MTCL1: variants seen among roughly 807,000 people sequenced by gnomAD.
MTCL1 encodes the protein microtubule crosslinking factor 1, also known as microtubule cross-linking factor 1.
In MTCL1, 79 loss-of-function variants were observed where a neutral mutation model predicts 141.4. That is an observed-to-expected ratio of 0.56 (90% CI 0.47 to 0.67). The LOEUF is 0.67. Among genes scored for constraint, MTCL1 ranks in the 30% least tolerant of loss-of-function variants. MTCL1 has a pLI of 0.00. For missense variants in MTCL1, 2,177 were observed against 2,113.9 expected (o/e 1.03, Z -0.59); for synonymous variants, 914 against 875.8 (o/e 1.04, Z -0.77).
intron 16 of MTCL1, chr18:8,829,614 A>G (rs1598840731): frequency 1.0e-6 from 1 of 985,398 alleles, no homozygotes; most frequent in East Asian, 1.1e-4. Flanking sequence ...GAGAAAAGAT[A>G]TACTTTTTGA....
intron 10 of MTCL1, among the ~76,000 whole-genome samples, chr18:8,798,624 C>G (rs986137591): frequency 1.3e-5 from 2 of 152,108 alleles, no homozygotes; most frequent in Admixed American, 1.3e-4. Flanking sequence ...CGTTTGGCAG[C>G]ATAACGTACA....
At chr18:8,725,771 A>ATTTTTT (rs2096204219) in intron 4 of MTCL1, among the ~76,000 whole-genome samples, 2 of 98,716 alleles carry the variant, frequency 2.0e-5, no homozygotes, top group Non-Finnish European at 4.1e-5. Context: ...TTTTGGTGCC[A>ATTTTTT]TTTTCTTTTT....
At chr18:8,824,269 C>A (rs1417512335) in intron 14 of MTCL1, among the ~76,000 whole-genome samples, 1 of 152,242 alleles carries the variant, frequency 6.6e-6, no homozygotes, top group Non-Finnish European at 1.5e-5. Context: ...ATGGAAGAAT[C>A]CACACCAAAT....
chr18:8,721,420 T>A (rs1230500208), intron 4 of MTCL1, among the ~76,000 whole-genome samples: 1 of 151,464 alleles, frequency 6.6e-6, no homozygotes, highest in East Asian at 1.9e-4. Context: ...TCAAGGCGCC[T>A]CCAGTTCAGT....
In MTCL1 at chr18:8,779,447, G is replaced by C. The variant is rs1358311357; in HGVS notation, c.417+1555G>C. On this transcript the variant is annotated intron_variant, in intron 5 of 16. Coordinates refer to ENST00000359865, the Ensembl canonical transcript of MTCL1. The surrounding 1 kb of genome is among the most constrained non-coding windows in gnomAD (Gnocchi z 4.1). ...TAGACTCTTGGCAGAGTTTTAAGAA[G>C]TCTACGGTTACAAGATAAGATGGGC... Among the ~76,000 whole-genome samples, 3 of 152,198 alleles carry C rather than the reference G, an allele frequency of 2.0e-5. No individual in the cohort carries two copies. Among genetic ancestry groups the C allele is most frequent in the African/African-American group, 7.2e-5 (3 of 41,444 alleles).
At chr18:8,714,551 CA>C (rs1411899095), upstream of MTCL1, among the ~76,000 whole-genome samples, 6 of 152,082 alleles carry the variant, frequency 3.9e-5, no homozygotes, top group South Asian at 2.1e-4. Flanking sequence ...AAAGGAGGAG[CA>C]AAGACACATA....
Position 8,828,324 on chromosome 18 carries a change from G to A in MTCL1, c.4723-584G>A, listed in dbSNP as rs1295973673. Among the ~76,000 whole-genome samples, 4 of 152,104 alleles carry A rather than the reference G, an allele frequency of 2.6e-5. No individual in the cohort carries two copies. Among genetic ancestry groups the A allele is most frequent in the African/African-American group, 4.8e-5 (2 of 41,406 alleles). On this transcript the variant is annotated intron_variant, in intron 15 of 16. Coordinates refer to ENST00000359865, the Ensembl canonical transcript of MTCL1. The surrounding 1 kb of genome is among the most constrained non-coding windows in gnomAD (Gnocchi z 5.2). ...TGCACTGTCATCCCATAAGCCACTC[G>A]GGCCTCTTTTTCTCTTGACACCATG...
intron 4 of MTCL1, among the ~76,000 whole-genome samples, chr18:8,746,104 T>C (rs55891241): frequency 0.12 from 17,806 of 152,192 alleles, 2,312 homozygotes; most frequent in African/African-American, 0.31. Flanking sequence ...AATAATATTC[T>C]ATGGTACTCC....
At chr18:8,746,520 T>C (rs1187216663) in intron 4 of MTCL1, among the ~76,000 whole-genome samples, 3 of 152,348 alleles carry the variant, frequency 2.0e-5, no homozygotes, top group South Asian at 2.1e-4. Context: ...GGGAATCCCA[T>C]GGATTTGAAT....
intron 16 of MTCL1, chr18:8,829,382 G>T: frequency 2.0e-6 from 2 of 985,360 alleles, no homozygotes; most frequent in Non-Finnish European, 2.4e-6. Context: ...GCTGAAATGA[G>T]GTGTGACCCT....
chr18:8,785,926 C>T lies in MTCL1; in HGVS notation c.1732-10C>T, dbSNP rs1568033591. 6.4e-7 allele frequency: 1 copy of T among 1,574,522 alleles called. No homozygotes were observed. The highest frequency in any genetic ancestry group is 1.9e-5 in the Admixed American group (1 of 51,934). On this transcript the variant is annotated splice_polypyrimidine_tract_variant and intron_variant, in intron 6 of 16. Transcript: ENST00000359865. ...ACAACAACAACAAATTCCTCCCGTG[C>T]ACCTAACAGTCCAGACTGAAAGAGC...
At chr18:8,792,642 G>T (rs546025025) in intron 7 of MTCL1, among the ~76,000 whole-genome samples, 1 of 152,322 alleles carries the variant, frequency 6.6e-6, no homozygotes, top group Non-Finnish European at 1.5e-5. Flanking sequence ...GGTCATAGTC[G>T]GCTCTGACCA....
chr18:8,802,733 C>T (rs1205524727), intron 10 of MTCL1, among the ~76,000 whole-genome samples: 2 of 152,132 alleles, frequency 1.3e-5, no homozygotes, highest in Non-Finnish European at 2.9e-5. Context: ...CTGTAATGCC[C>T]TTAGGTGGAG....
At chr18:8,706,211 C>G in exon 1 of MTCL1, 1 of 1,227,344 alleles carries the variant, frequency 8.1e-7, no homozygotes, top group South Asian at 4.1e-5. Flanking sequence ...GCCCGGATCC[C>G]TGCCGTGACC....
At chr18:8,733,973 T>C (rs2148879701) in intron 4 of MTCL1, among the ~76,000 whole-genome samples, 1 of 152,324 alleles carries the variant, frequency 6.6e-6, no homozygotes, top group Non-Finnish European at 1.5e-5. Flanking sequence ...TTGAACTTAT[T>C]TGTAAACGAG....
chr18:8,751,132 T>C (rs1196325171), intron 4 of MTCL1, among the ~76,000 whole-genome samples: 1 of 152,204 alleles, frequency 6.6e-6, no homozygotes, highest in East Asian at 1.9e-4. Flanking sequence ...ACATGGACTG[T>C]GTCTGGATTC....
chr18:8,796,545 C>A, intron 9 of MTCL1, 83 bp downstream of exon 8: 2 of 1,305,928 alleles, frequency 1.5e-6, no homozygotes, highest in Non-Finnish European at 2.2e-6. Context: ...CCACCCTACA[C>A]ACAGTCATGT....
intron 4 of MTCL1, among the ~76,000 whole-genome samples, chr18:8,721,393 C>T (rs1036090322): frequency 6.6e-6 from 1 of 152,184 alleles, no homozygotes; most frequent in East Asian, 1.9e-4. Flanking sequence ...TGTGCATGTG[C>T]AGTGCAGGCC....
At position 8,830,779 on chromosome 18, in the gene MTCL1, T is replaced by G; in HGVS notation, c.*19-828T>G. ...TTTTACATTTCTGTGTATCAGCAAA[T>G]TCCAAATTTGGGTGTCCTGGTTTTG... On this transcript the variant is annotated intron_variant, in intron 16 of 16. Transcript: ENST00000359865. This position sits in a 1 kb window ranked among gnomAD's most constrained non-coding sequence, Gnocchi z 6.4. 1.0e-6 allele frequency: 1 copy of G among 985,422 alleles called. No individual in the cohort carries two copies. The highest frequency in any genetic ancestry group is 1.2e-6 in the Non-Finnish European group (1 of 829,934). 61.0% of individuals were successfully genotyped at this position (985,422 alleles called of 1,614,324 possible). A position where few individuals can be genotyped will look rare whatever the true frequency, so the allele number is the denominator to read the frequency against.
Sources: allele counts gnomAD v4.1 joint callset (sites outside exome capture counted in the v4.1 genomes callset), GRCh38; gene constraint gnomAD v4.1.1; non-coding constraint Gnocchi (gnomAD v3.1); transcripts MANE v1.5; gene names NCBI Gene and HGNC (gene_info 2026-07-23, HGNC 2026-07-21).